C2orf92: variants seen among roughly 807,000 people sequenced by gnomAD.
The protein encoded by C2orf92 is chromosome 2 open reading frame 92, also known as uncharacterized protein C2orf92.
At chr2:97,689,095 A>C (rs1047797300) in intron 4 of C2orf92, 102 bp downstream of exon 4, 1 of 396,900 alleles carries the variant, frequency 2.5e-6, no homozygotes, top group African/African-American at 2.1e-5. Flanking sequence ...TAAACCAACT[A>C]CTGGTGGGGC....
chr2:97,692,162 C>G (rs1293776033), intron 5 of C2orf92, among the ~76,000 whole-genome samples: 1 of 152,094 alleles, frequency 6.6e-6, no homozygotes. Flanking sequence ...CTTTCCAGTT[C>G]TTCAAGTTTA....
At chr2:97,678,051 T>C (rs1573206872) in intron 3 of C2orf92, among the ~76,000 whole-genome samples, 1 of 151,836 alleles carries the variant, frequency 6.6e-6, no homozygotes, top group African/African-American at 2.4e-5. Context: ...ATACAAAAAA[T>C]TAGCAGGGCG....
At chr2:97,685,022 C>T (rs1231189367) in intron 3 of C2orf92, among the ~76,000 whole-genome samples, 4 of 151,842 alleles carry the variant, frequency 2.6e-5, no homozygotes, top group African/African-American at 4.8e-5. Context: ...CTTCGCCTCC[C>T]GGGTTCACAC....
At chr2:97,683,584 C>T (rs982911397) in intron 3 of C2orf92, among the ~76,000 whole-genome samples, 2 of 149,298 alleles carry the variant, frequency 1.3e-5, no homozygotes, top group Non-Finnish European at 3.0e-5. Context: ...GTGATCTGCA[C>T]ATTCAATATA....
At chr2:97,669,896 G>A (rs923085145) in intron 1 of C2orf92, 62 bp downstream of exon 1, 1 of 398,456 alleles carries the variant, frequency 2.5e-6, no homozygotes, top group Non-Finnish European at 4.4e-6. Context: ...GTGGGGCAGA[G>A]GAGGGCGTTC....
chr2:97,701,780 G>C lies in C2orf92; in HGVS notation c.665+476G>C, dbSNP rs1455801399. On this transcript the variant is annotated intron_variant, in intron 7 of 7. Coordinates refer to ENST00000627399, the MANE Select transcript of C2orf92 (RefSeq NM_001351368.2). ...GAAAGCCTTCCCCGAGCTTCCCACT[G>C]ACCTCCTGATCTTCTCCGTGATCCT... Among the ~76,000 whole-genome samples the C allele has an allele frequency of 2.0e-5, 3 of 152,170 alleles. 1 individual carries two copies. Among genetic ancestry groups the C allele is most frequent in the Non-Finnish European group, 4.4e-5 (3 of 68,042 alleles).
intron 5 of C2orf92, among the ~76,000 whole-genome samples, chr2:97,698,455 A>G (rs955834432): frequency 6.6e-6 from 1 of 152,206 alleles, no homozygotes; most frequent in Non-Finnish European, 1.5e-5. Context: ...CTGATACCTG[A>G]ATATTTCAGT....
intron 5 of C2orf92, among the ~76,000 whole-genome samples, chr2:97,691,883 C>T (rs954840013): frequency 1.5e-4 from 23 of 151,990 alleles, no homozygotes; most frequent in African/African-American, 4.6e-4. Context: ...AGCGAAACTC[C>T]GTGCTGGGAT....
At chr2:97,665,773 AT>A (rs1675211914), upstream of C2orf92, 1 of 98,026 alleles carries the variant, frequency 1.0e-5, no homozygotes, top group South Asian at 3.9e-4. Context: ...ATATATATAT[AT>A]TTTGTTTTGT....
upstream of C2orf92, chr2:97,665,727 CTCTCTCTCTCTATATATATATATA>C (rs1283172617): frequency 3.7e-3 from 126 of 33,650 alleles, no homozygotes; most frequent in African/African-American, 6.0e-3. Context: ...CTCTCTCTCT[CTCTCTCTCTCTATATATATATATA>C]TATATATATA....
intron 1 of C2orf92, among the ~76,000 whole-genome samples, chr2:97,673,932 G>A (rs1243601151): frequency 6.6e-6 from 1 of 152,196 alleles, no homozygotes; most frequent in African/African-American, 2.4e-5. Context: ...TCATAAAACT[G>A]AGTGGTCAAG....
At chr2:97,678,308 G>A (rs764311291) in intron 3 of C2orf92, among the ~76,000 whole-genome samples, 1 of 151,794 alleles carries the variant, frequency 6.6e-6, no homozygotes, top group East Asian at 1.9e-4. Context: ...AATTGAACAT[G>A]TGGGACTTGT....
In C2orf92 at chr2:97,669,763, A is replaced by G. The variant is rs1207868039; in HGVS notation, c.-26A>G. 7.5e-6 allele frequency: 3 copies of G among 398,590 alleles called. No individual in the cohort carries two copies. The highest frequency in any genetic ancestry group is 1.3e-5 in the Non-Finnish European group (3 of 226,146). The allele number at this position is 398,590 out of a possible 1,614,324, so 24.7% of individuals were successfully genotyped here. A position where few individuals can be genotyped will look rare whatever the true frequency, so the allele number is the denominator to read the frequency against. On this transcript the variant is annotated 5_prime_UTR_variant, in exon 1 of 8. An upstream start codon of the reference 5' UTR is lost. Transcript: ENST00000627399. ...GGGCCATCAGAAGACTGGCTTCTCC[A>G]TGATGGTTTATGGACTAAGGCAAAG...
intron 3 of C2orf92, among the ~76,000 whole-genome samples, chr2:97,686,294 A>C (rs1335155325): frequency 3.3e-5 from 5 of 152,218 alleles, no homozygotes; most frequent in African/African-American, 1.2e-4. Flanking sequence ...TCCATGACCC[A>C]AACACCTCCA....
intron 5 of C2orf92, among the ~76,000 whole-genome samples, chr2:97,696,946 T>C (rs771345605): frequency 6.6e-6 from 1 of 152,218 alleles, no homozygotes; most frequent in Non-Finnish European, 1.5e-5. Context: ...AATCAAAGGC[T>C]CACGTCAATG....
At chr2:97,701,903 C>T (rs1676508641) in intron 7 of C2orf92, among the ~76,000 whole-genome samples, 2 of 152,222 alleles carry the variant, frequency 1.3e-5, no homozygotes, top group African/African-American at 4.8e-5. Flanking sequence ...ACACCCCCGT[C>T]TACACCAGTT....
chr2:97,680,934 A>C (rs1486286900), intron 3 of C2orf92, among the ~76,000 whole-genome samples: 2 of 151,414 alleles, frequency 1.3e-5, no homozygotes, highest in South Asian at 2.1e-4. Flanking sequence ...TCAAAAAAAA[A>C]CAAAAACCAA....
chr2:97,687,042 T>G (rs1675985385), intron 3 of C2orf92, among the ~76,000 whole-genome samples: 1 of 152,042 alleles, frequency 6.6e-6, no homozygotes, highest in Admixed American at 6.6e-5. Context: ...CTGTGAATGT[T>G]TTGAATACCC....
chr2:97,667,205 G>T (rs1290507419), upstream of C2orf92, among the ~76,000 whole-genome samples: 1 of 151,218 alleles, frequency 6.6e-6, no homozygotes, highest in Non-Finnish European at 1.5e-5. Context: ...GACACCGAGT[G>T]TAGACTGTTA....
Sources: gnomAD v4.1 joint callset for allele counts (sites outside exome capture counted in the v4.1 genomes callset) on GRCh38, gnomAD v4.1.1 for gene constraint, MANE v1.5 for transcripts, NCBI Gene and HGNC (gene_info 2026-07-23, HGNC 2026-07-21) for gene names.